RAB8B: variants seen among roughly 807,000 people sequenced by gnomAD.
RAB8B encodes ras-related protein Rab-8B.
In RAB8B, 11 loss-of-function variants were observed where a neutral mutation model predicts 32.0. The ratio of observed to expected loss-of-function variants is 0.34; its 90% CI spans 0.22 to 0.57. The LOEUF (loss-of-function observed/expected upper bound fraction) is 0.57, where lower values mean the gene tolerates loss of function less well. Ranked by LOEUF, RAB8B falls within the 20% of genes least tolerant of loss-of-function variation. RAB8B has a pLI of 0.86. For synonymous variants in RAB8B, 103 were observed against 89.6 expected, an observed-to-expected ratio of 1.15 and a Z score of -0.85; for missense variants, 190 against 258.5, an observed-to-expected ratio of 0.73 and a Z score of 1.82.
chr15:63,219,823 C>G (rs780785110), intron 1 of RAB8B, among the ~76,000 whole-genome samples: 16 of 152,130 alleles, frequency 1.1e-4, no homozygotes, highest in Non-Finnish European at 1.6e-4. Flanking sequence ...GCTTCCACTG[C>G]TGGCTTAACT....
At chr15:63,260,919 A>T (rs746426243) in intron 6 of RAB8B, among the ~76,000 whole-genome samples, 1 of 152,168 alleles carries the variant, frequency 6.6e-6, no homozygotes, top group Non-Finnish European at 1.5e-5. Flanking sequence ...GCCAGTGGAC[A>T]CTGATCAGAA....
chr15:63,195,923 C>T (rs1307619734), intron 1 of RAB8B, among the ~76,000 whole-genome samples: 1 of 152,086 alleles, frequency 6.6e-6, no homozygotes, highest in Non-Finnish European at 1.5e-5. Flanking sequence ...ATTCTTACTA[C>T]CTAGGTTAGG....
intron 5 of RAB8B, among the ~76,000 whole-genome samples, chr15:63,258,569 CAATGAAAG>C (rs1481617167): frequency 6.6e-6 from 1 of 152,166 alleles, no homozygotes; most frequent in Non-Finnish European, 1.5e-5. Context: ...CACACACAAA[CAATGAAAG>C]AATGAAGCCA....
At chr15:63,202,860 C>G (rs1234548229) in intron 1 of RAB8B, among the ~76,000 whole-genome samples, 1 of 152,220 alleles carries the variant, frequency 6.6e-6, no homozygotes, top group Non-Finnish European at 1.5e-5. Context: ...TCCATAATGC[C>G]TCTGTGATCC....
intron 3 of RAB8B, chr15:63,251,248 G>A: frequency 2.2e-6 from 1 of 455,984 alleles, no homozygotes; most frequent in South Asian, 1.5e-5. Flanking sequence ...TATGTGCCAG[G>A]AAGACATTTG....
chr15:63,225,770 C>T (rs2037883670), intron 1 of RAB8B, among the ~76,000 whole-genome samples: 1 of 152,078 alleles, frequency 6.6e-6, no homozygotes, highest in Non-Finnish European at 1.5e-5. Context: ...ATGGAGGTGC[C>T]CACTAATTCT....
intron 1 of RAB8B, among the ~76,000 whole-genome samples, chr15:63,201,625 C>T (rs1282357456): frequency 1.3e-5 from 2 of 152,156 alleles, no homozygotes; most frequent in African/African-American, 4.8e-5. Context: ...CGTTAAGAAA[C>T]AACATCATTT....
intron 2 of RAB8B, 39 bp downstream of exon 2, chr15:63,244,855 G>T: frequency 2.0e-6 from 3 of 1,470,114 alleles, no homozygotes; most frequent in Non-Finnish European, 2.8e-6. Context: ...CTTTAATTGG[G>T]AATTGAAAGT....
intron 1 of RAB8B, among the ~76,000 whole-genome samples, chr15:63,239,410 GTTTT>G (rs71131153): frequency 1.7e-5 from 2 of 120,880 alleles, no homozygotes; most frequent in African/African-American, 3.1e-5. Context: ...AATTTCCGAA[GTTTT>G]TTTTTTTTTT....
chr15:63,237,672 A>G (rs2037993086), intron 1 of RAB8B, among the ~76,000 whole-genome samples: 1 of 152,006 alleles, frequency 6.6e-6, no homozygotes, highest in African/African-American at 2.4e-5. Flanking sequence ...ATTTTTTCCC[A>G]TTCTGTGTGT....
chr15:63,224,469 C>T lies in RAB8B; in HGVS notation c.125-20287C>T, dbSNP rs377269825. On this transcript the variant is annotated intron_variant, in intron 1 of 7. Transcript: ENST00000321437. ...AGGCTAACATGGGATGGATTTCAAT[C>T]ATATGAGTGGAAAATTACCTAATTG... Among the ~76,000 whole-genome samples the T allele has an allele frequency of 3.9e-5, 6 of 152,274 alleles. No homozygotes were observed. The East Asian group carries it at 7.7e-4, about 20-fold the overall frequency.
intron 1 of RAB8B, among the ~76,000 whole-genome samples, chr15:63,216,051 TAAAG>T (rs2037788667): frequency 6.6e-6 from 1 of 151,594 alleles, no homozygotes; most frequent in Non-Finnish European, 1.5e-5. Context: ...AAAGAAAAAT[TAAAG>T]AAAATTACCC....
intron 1 of RAB8B, 145 bp downstream of exon 1, chr15:63,189,893 G>A: frequency 8.6e-7 from 1 of 1,158,720 alleles, no homozygotes; most frequent in African/African-American, 1.6e-5. Context: ...AGGGGCGAGG[G>A]CGTGAGGGAG....
In RAB8B at chr15:63,205,892, G is replaced by T. The variant is rs146141519; in HGVS notation, c.124+16144G>T. ...TGATGGGGAGTTCAGTTCATGGGCA[G>T]TAAAAGCAGTGAAATGTGCCTCCAT... is the stretch of plus-strand genomic sequence containing the variant. On this transcript the variant is annotated intron_variant, in intron 1 of 7. Coordinates refer to ENST00000321437, the MANE Select transcript of RAB8B (RefSeq NM_016530.3). Among the ~76,000 whole-genome samples, 370 of 152,338 alleles carry T rather than the reference G, an allele frequency of 2.4e-3. 3 individuals carry two copies. The highest frequency in any genetic ancestry group is 7.6e-3 in the African/African-American group (315 of 41,580).
intron 1 of RAB8B, among the ~76,000 whole-genome samples, chr15:63,217,372 C>G (rs1485382077): frequency 6.6e-6 from 1 of 152,074 alleles, no homozygotes; most frequent in Non-Finnish European, 1.5e-5. Context: ...CTAATCATTT[C>G]TAGTATTTAT....
At chr15:63,235,074 C>T (rs764437010) in intron 1 of RAB8B, among the ~76,000 whole-genome samples, 2 of 152,108 alleles carry the variant, frequency 1.3e-5, no homozygotes, top group Non-Finnish European at 2.9e-5. Context: ...GTATTAGTTA[C>T]CTGGAAATCT....
At chr15:63,219,619 G>C (rs2037826710) in intron 1 of RAB8B, among the ~76,000 whole-genome samples, 1 of 152,160 alleles carries the variant, frequency 6.6e-6, no homozygotes. Flanking sequence ...GGAATGTGTT[G>C]TTATATAAAA....
intron 7 of RAB8B, among the ~76,000 whole-genome samples, chr15:63,263,067 G>T (rs2038215358): frequency 6.6e-6 from 1 of 152,082 alleles, no homozygotes; most frequent in African/African-American, 2.4e-5. Flanking sequence ...GCATAACTAC[G>T]ATTTTGAAGT....
At chr15:63,234,455 A>G (rs747820911) in intron 1 of RAB8B, among the ~76,000 whole-genome samples, 4 of 152,232 alleles carry the variant, frequency 2.6e-5, no homozygotes, top group Non-Finnish European at 5.9e-5. Context: ...AATTTGTGGA[A>G]TGAAAAGTGG....
Sources: allele counts gnomAD v4.1 joint callset (sites outside exome capture counted in the v4.1 genomes callset), GRCh38; gene constraint gnomAD v4.1.1; transcripts MANE v1.5; gene names NCBI Gene and HGNC (gene_info 2026-07-23, HGNC 2026-07-21).